The following TPRG1 variants were observed in gnomAD, a reference collection of about 807,000 sequenced individuals.
TPRG1 encodes the protein tumor protein p63 regulated 1.
Under a neutral mutation model 29.3 loss-of-function variants are expected in TPRG1, and 29 were observed. That is an observed-to-expected ratio of 0.99 (90% CI 0.74 to 1.35). The LOEUF (loss-of-function observed/expected upper bound fraction) is 1.35. Among genes scored for constraint, TPRG1 ranks in the 40% most tolerant of loss-of-function variants. TPRG1 has a pLI of 0.00. For synonymous variants in TPRG1, 130 were observed against 116.8 expected (o/e 1.11, Z -0.73); for missense variants, 327 against 335.0 (o/e 0.98, Z 0.19).
At chr3:189,183,922 AGGC>A (rs1449264537) in intron 1 of TPRG1, among the ~76,000 whole-genome samples, 1 of 151,870 alleles carries the variant, frequency 6.6e-6, no homozygotes, top group Non-Finnish European at 1.5e-5. Context: ...AAGTAAAGAC[AGGC>A]ATAGGAAATC....
chr3:189,319,135 C>G (rs1723991857), intron 5 of TPRG1, among the ~76,000 whole-genome samples: 1 of 152,186 alleles, frequency 6.6e-6, no homozygotes, highest in Non-Finnish European at 1.5e-5. Flanking sequence ...TTCCTACTCT[C>G]TGTCCCATAT....
chr3:189,130,686 T>C (rs1269916478), intron 2 of TPRG1, among the ~76,000 whole-genome samples: 1 of 152,242 alleles, frequency 6.6e-6, no homozygotes, highest in Non-Finnish European at 1.5e-5. Context: ...TCTGGCAGAA[T>C]ATGAACTGCT....
intron 4 of TPRG1, among the ~76,000 whole-genome samples, chr3:189,270,061 T>TTCTTCTTC (rs1560629756): frequency 2.3e-5 from 3 of 132,134 alleles, no homozygotes; most frequent in East Asian, 2.4e-4. Flanking sequence ...TCTTCTTCTT[T>TTCTTCTTC]TTTGTCTGTA....
upstream of TPRG1, among the ~76,000 whole-genome samples, chr3:189,099,675 C>T (rs76086184): frequency 1.0e-3 from 157 of 152,104 alleles, 3 homozygotes; most frequent in East Asian, 0.027. Context: ...CCTACAGCCC[C>T]GCCGGTAGCT....
chr3:189,299,542 A>G (rs967740462), intron 4 of TPRG1, among the ~76,000 whole-genome samples: 1 of 152,104 alleles, frequency 6.6e-6, no homozygotes, highest in African/African-American at 2.4e-5. Context: ...ACTCAGAAAT[A>G]TAGACTAATG....
At chr3:189,086,491 C>T (rs1717946686) in intron 4 of TPRG1, among the ~76,000 whole-genome samples, 1 of 151,464 alleles carries the variant, frequency 6.6e-6, no homozygotes, top group East Asian at 1.9e-4. Context: ...CCCCAAAATT[C>T]TGGGACTGCA....
intron 3 of TPRG1, among the ~76,000 whole-genome samples, chr3:189,016,074 A>G (rs1712917119): frequency 6.6e-6 from 1 of 152,118 alleles, no homozygotes; most frequent in Non-Finnish European, 1.5e-5. Context: ...CAGGCACTCA[A>G]TAACAGCCTG....
chr3:189,055,358 T>C (rs1027646656), intron 4 of TPRG1, among the ~76,000 whole-genome samples: 21 of 152,178 alleles, frequency 1.4e-4, no homozygotes, highest in African/African-American at 4.8e-4. Flanking sequence ...CAAGAATAAC[T>C]TGTAGAGTAA....
chr3:188,999,012 A>C (rs1711916359), intron 1 of TPRG1, among the ~76,000 whole-genome samples: 1 of 152,222 alleles, frequency 6.6e-6, no homozygotes, highest in Non-Finnish European at 1.5e-5. Flanking sequence ...TGAGGTGATG[A>C]GTATCCTAAT....
chr3:189,216,056 C>T (rs780174164), intron 3 of TPRG1, among the ~76,000 whole-genome samples: 2 of 152,056 alleles, frequency 1.3e-5, no homozygotes, highest in Non-Finnish European at 2.9e-5. Context: ...TCTTTACCCG[C>T]CAAGTAAATA....
intron 3 of TPRG1, among the ~76,000 whole-genome samples, chr3:189,226,640 G>A (rs184078187): frequency 6.6e-6 from 1 of 151,334 alleles, no homozygotes; most frequent in East Asian, 1.9e-4. Context: ...GCAAAGAAAT[G>A]AAAAGTGAGT....
chr3:189,158,113 A>C (rs189588578), intron 5 of TPRG1, among the ~76,000 whole-genome samples: 8 of 152,308 alleles, frequency 5.3e-5, no homozygotes, highest in Admixed American at 1.3e-4. Flanking sequence ...GAATGTCAAC[A>C]TCATAGTCAT....
intron 2 of TPRG1, among the ~76,000 whole-genome samples, chr3:189,127,794 T>G (rs1722658976): frequency 1.3e-5 from 2 of 152,150 alleles, no homozygotes; most frequent in Non-Finnish European, 2.9e-5. Context: ...AAGTATGAAA[T>G]CAATGGCCTT....
At chr3:189,248,316 G>A (rs1741656279) in intron 4 of TPRG1, among the ~76,000 whole-genome samples, 1 of 151,750 alleles carries the variant, frequency 6.6e-6, no homozygotes, top group Non-Finnish European at 1.5e-5. Flanking sequence ...GGTAATTAAA[G>A]TAATAATAAA....
At chr3:189,001,582 C>T (rs1179042190) in intron 2 of TPRG1, among the ~76,000 whole-genome samples, 1 of 152,144 alleles carries the variant, frequency 6.6e-6, no homozygotes, top group Non-Finnish European at 1.5e-5. Context: ...CTACTTACCT[C>T]CCCAAAGTCC....
intron 4 of TPRG1, among the ~76,000 whole-genome samples, chr3:189,076,666 C>G (rs1717193047): frequency 6.6e-6 from 1 of 151,828 alleles, no homozygotes; most frequent in Non-Finnish European, 1.5e-5. Flanking sequence ...CTCTCCTTCC[C>G]CCTTTTTAAA....
intron 4 of TPRG1, among the ~76,000 whole-genome samples, chr3:189,086,954 C>T (rs112061453): frequency 6.6e-6 from 1 of 152,136 alleles, no homozygotes. Context: ...GTGAATAGTG[C>T]TGCAATAAAC....
At chr3:189,103,669 AAG>A (rs1422635781) in intron 1 of TPRG1, among the ~76,000 whole-genome samples, 16 of 152,278 alleles carry the variant, frequency 1.1e-4, no homozygotes, top group African/African-American at 3.4e-4. Context: ...CTCACACCAA[AAG>A]AATTTTTTGA....
At chr3:189,161,868 A>G (rs1727536063) in intron 5 of TPRG1, among the ~76,000 whole-genome samples, 1 of 152,216 alleles carries the variant, frequency 6.6e-6, no homozygotes, top group South Asian at 2.1e-4. Context: ...GCTTCTGAAT[A>G]GTGGAGGTGT....
Sources: gnomAD v4.1 joint callset for allele counts (sites outside exome capture counted in the v4.1 genomes callset) on GRCh38, gnomAD v4.1.1 for gene constraint, MANE v1.5 for transcripts, NCBI Gene and HGNC (gene_info 2026-07-23, HGNC 2026-07-21) for gene names.